NOP58: variants seen among roughly 807,000 people sequenced by gnomAD.
NOP58 encodes nucleolar protein 58.
Under a neutral mutation model 71.2 loss-of-function variants are expected in NOP58, and 44 were observed. The observed-to-expected ratio is 0.62, with a 90% confidence interval of 0.49 to 0.79. The LOEUF (loss-of-function observed/expected upper bound fraction) is 0.79. Among genes scored for constraint, NOP58 ranks in the 30% least tolerant of loss-of-function variants. The pLI is 0.00. For synonymous variants in NOP58, 228 were observed against 200.3 expected (o/e 1.14, Z -1.17); for missense variants, 538 against 620.2 (o/e 0.87, Z 1.41).
At chr2:202,301,986 G>T (rs989075039) in intron 13 of NOP58, among the ~76,000 whole-genome samples, 1 of 150,520 alleles carries the variant, frequency 6.6e-6, no homozygotes, top group East Asian at 2.0e-4. Context: ...TTTGCCTCTT[G>T]TGCCTTGCTC....
chr2:202,282,325 CTTTTG>C (rs754222653), intron 3 of NOP58, 21 bp from the exon 4 acceptor site: 2 of 1,583,186 alleles, frequency 1.3e-6, no homozygotes, highest in Admixed American at 3.9e-5. Flanking sequence ...AGAGTTAATG[CTTTTG>C]TTTTTCTTTT....
chr2:202,302,915 A>T lies in NOP58; in HGVS notation c.1403-6A>T. The T allele has an allele frequency of 3.7e-6, 6 of 1,601,082 alleles. No individual in the cohort carries two copies. The highest frequency in any genetic ancestry group is 5.1e-6 in the Non-Finnish European group (6 of 1,178,828). On this transcript the variant is annotated splice_region_variant and splice_polypyrimidine_tract_variant and intron_variant, in intron 13 of 14. Transcript: ENST00000264279. ...TTTGTTGTGCCTTTACACTTACCCT[A>T]TTCAGTTGAAGAAGAGGAAGAAGAA...
Position 202,295,684 on chromosome 2 carries a change from A to T in NOP58, c.918A>T (p.Leu306Phe), listed in dbSNP as rs767303512. ...ARLIAHAGSL[L>F]NLAKHAASTV... ...TTTTTTCTTTTGTAGGTTCTCTTTT[A>T]AATTTGGCCAAGCATGCAGCTTCTA... The change falls in exon 10 of 15, where the codon TTA becomes TTT. Residue 306 changes from leucine (L) to phenylalanine (F), a missense_variant. Transcript: ENST00000264279. 56 of 1,575,000 alleles carry T rather than the reference A, an allele frequency of 3.6e-5. No individual in the cohort carries two copies. The highest frequency in any genetic ancestry group is 4.6e-5 in the Non-Finnish European group (54 of 1,164,802).
At chr2:202,284,524 T>A in intron 5 of NOP58, 43 bp downstream of exon 5, 1 of 1,600,840 alleles carries the variant, frequency 6.2e-7, no homozygotes. Flanking sequence ...TTTTATTTGA[T>A]AAGCGCTTAA....
chr2:202,266,584 G>A (rs1688421460), intron 1 of NOP58, among the ~76,000 whole-genome samples: 1 of 152,158 alleles, frequency 6.6e-6, no homozygotes, highest in South Asian at 2.1e-4. Context: ...CCAAAGTGCT[G>A]GGATTACAGG....
At chr2:202,287,982 C>T (rs778470884) in intron 6 of NOP58, among the ~76,000 whole-genome samples, 7 of 151,902 alleles carry the variant, frequency 4.6e-5, no homozygotes, top group Non-Finnish European at 7.4e-5. Flanking sequence ...TGCATGGTGG[C>T]GTGTACCTAT....
intron 1 of NOP58, among the ~76,000 whole-genome samples, chr2:202,273,941 C>T (rs1688547256): frequency 1.5e-5 from 2 of 135,714 alleles, no homozygotes; most frequent in East Asian, 2.2e-4. Context: ...GACTCCATCT[C>T]AGAAAAAAAA....
chr2:202,290,993 ACTT>A (rs573110622), intron 7 of NOP58, 129 bp from the exon 8 acceptor site: 8 of 747,374 alleles, frequency 1.1e-5, no homozygotes, highest in South Asian at 2.3e-5. Context: ...ACTAGGTCAA[ACTT>A]CTTCATTTTT....
chr2:202,298,259 A>T (rs1352228145), intron 12 of NOP58, among the ~76,000 whole-genome samples: 2 of 152,150 alleles, frequency 1.3e-5, no homozygotes, highest in Non-Finnish European at 2.9e-5. Flanking sequence ...ATTAACTTCT[A>T]CTAGTTTTCA....
At chr2:202,303,198 G>A in intron 14 of NOP58, 141 bp downstream of exon 14, 1 of 1,302,126 alleles carries the variant, frequency 7.7e-7, no homozygotes, top group Non-Finnish European at 1.1e-6. Context: ...TGGCTTTGTT[G>A]TATTTATATT....
intron 5 of NOP58, 139 bp downstream of exon 5, chr2:202,284,620 A>G: frequency 1.1e-6 from 1 of 878,922 alleles, no homozygotes; most frequent in East Asian, 2.8e-5. Context: ...ATCCTCATTT[A>G]CAGATGAAAC....
intron 12 of NOP58, among the ~76,000 whole-genome samples, chr2:202,298,279 A>C (rs34233851): frequency 6.6e-6 from 1 of 152,104 alleles, no homozygotes; most frequent in Non-Finnish European, 1.5e-5. Context: ...ATTCATATAC[A>C]TATTTAATTT....
chr2:202,302,140 TG>T (rs1689105861), intron 13 of NOP58, among the ~76,000 whole-genome samples: 1 of 144,404 alleles, frequency 6.9e-6, no homozygotes, highest in Non-Finnish European at 1.5e-5. Context: ...CAGGCTGAAG[TG>T]CAGTGGCGTG....
At chr2:202,300,127 T>C in intron 12 of NOP58, 107 bp from the exon 13 acceptor site, 1 of 928,736 alleles carries the variant, frequency 1.1e-6, no homozygotes, top group South Asian at 1.6e-5. Flanking sequence ...GAAACAACAT[T>C]GTGTGCTTAT....
chr2:202,292,702 C>G (rs558688315), intron 8 of NOP58, 75 bp from the exon 9 acceptor site: 6 of 1,192,390 alleles, frequency 5.0e-6, no homozygotes, highest in South Asian at 5.0e-5. Context: ...ATTGAGGGCT[C>G]CAGTGTTTTA....
chr2:202,288,827 C>A (rs990316157), intron 6 of NOP58, among the ~76,000 whole-genome samples: 218 of 149,542 alleles, frequency 1.5e-3, no homozygotes, highest in African/African-American at 5.0e-3. Context: ...AAAAAAAAAA[C>A]AAAGTATTCG....
chr2:202,284,237 C>T lies in NOP58; in HGVS notation c.298-108C>T, dbSNP rs574209685. 91 of 860,488 alleles carry T rather than the reference C, an allele frequency of 1.1e-4. No individual in the cohort carries two copies. In the African/African-American group the frequency reaches 1.2e-3, roughly 12 times the overall value. The allele number at this position is 860,488 out of a possible 1,614,324, so 53.3% of individuals were successfully genotyped here. ...GTAGTGAGCCAAGATTGCGCCACTG[C>T]ACTCCAGCCTGGGCGACAGAGTGAT... On this transcript the variant is annotated intron_variant, in intron 4 of 14. Coordinates refer to ENST00000264279, the MANE Select transcript of NOP58 (RefSeq NM_015934.5).
chr2:202,286,394 A>G (rs1246934107), intron 5 of NOP58, among the ~76,000 whole-genome samples: 1 of 149,042 alleles, frequency 6.7e-6, no homozygotes, highest in Non-Finnish European at 1.5e-5. Context: ...AGTCCCAGCT[A>G]CTCGGGAGGC....
rs902904546 is a variant in NOP58 at position 202,265,794 on chromosome 2, A to C, written c.-148A>C. ...CCAGTACAGCGTGGAGGGTTTAGGC[A>C]GCGTGTTCTGATTCTTTGCGGGACG... On this transcript the variant is annotated 5_prime_UTR_variant, in exon 1 of 15. Transcript: ENST00000264279. 1.3e-6 allele frequency: 1 copy of C among 786,832 alleles called. No homozygotes were observed. Among genetic ancestry groups the C allele is most frequent in the African/African-American group, 1.7e-5 (1 of 58,908 alleles). 48.7% of individuals were successfully genotyped at this position (786,832 alleles called of 1,614,324 possible).
Sources: allele counts gnomAD v4.1 joint callset (sites outside exome capture counted in the v4.1 genomes callset), GRCh38; gene constraint gnomAD v4.1.1; transcripts MANE v1.5; gene names NCBI Gene and HGNC (gene_info 2026-07-23, HGNC 2026-07-21).